HDAC9: variants seen among roughly 807,000 people sequenced by gnomAD.
The protein encoded by HDAC9 is MEF-2 interacting transcription repressor (MITR) protein.
HDAC9 carries 41 observed loss-of-function variants against 139.4 expected under a neutral mutation model. The observed-to-expected ratio is 0.29, with a 90% CI of 0.23 to 0.38. The LOEUF is 0.38. HDAC9 is among the 10% of genes least tolerant of loss of function. The pLI is 1.00. For synonymous variants in HDAC9, 517 were observed against 476.2 expected, an observed-to-expected ratio of 1.09 and a Z score of -1.12; for missense variants, 1,147 against 1,297.0, an observed-to-expected ratio of 0.88 and a Z score of 1.78.
chr7:18,364,365 CA>C (rs1385513469), intron 1 of HDAC9, among the ~76,000 whole-genome samples: 5 of 151,718 alleles, frequency 3.3e-5, no homozygotes, highest in Admixed American at 3.3e-4. Context: ...GATAAATGCT[CA>C]AAATAGTACT....
chr7:18,859,462 C>T (rs1026582840), intron 21 of HDAC9, among the ~76,000 whole-genome samples: 1 of 151,598 alleles, frequency 6.6e-6, no homozygotes, highest in Admixed American at 6.6e-5. Context: ...TTCTCAGTCT[C>T]TTTCTGGCTA....
chr7:18,096,070 T>C (rs1358141076), intron 1 of HDAC9, among the ~76,000 whole-genome samples: 3 of 152,210 alleles, frequency 2.0e-5, no homozygotes, highest in African/African-American at 7.2e-5. Context: ...CTCTATAACA[T>C]CTTTTCGTTC....
chr7:18,589,622 A>G (rs1000950666), intron 3 of HDAC9, among the ~76,000 whole-genome samples: 1 of 152,214 alleles, frequency 6.6e-6, no homozygotes, highest in Non-Finnish European at 1.5e-5. Flanking sequence ...GGATTCAGAA[A>G]GCTAAACAAT....
At chr7:18,938,489 G>A (rs946654110) in intron 23 of HDAC9, among the ~76,000 whole-genome samples, 2 of 151,742 alleles carry the variant, frequency 1.3e-5, no homozygotes, top group South Asian at 2.1e-4. Context: ...CAGCTACTCC[G>A]GAGCCTGAGT....
At chr7:18,611,163 T>C (rs1406230244) in intron 6 of HDAC9, among the ~76,000 whole-genome samples, 1 of 152,124 alleles carries the variant, frequency 6.6e-6, no homozygotes, top group Non-Finnish European at 1.5e-5. Flanking sequence ...AAGAAGAGCA[T>C]AATGATTTAT....
intron 4 of HDAC9, 137 bp from the exon 5 acceptor site, chr7:18,591,379 G>A: frequency 8.1e-7 from 1 of 1,231,274 alleles, no homozygotes; most frequent in Non-Finnish European, 1.1e-6. Flanking sequence ...AAAACTTTAT[G>A]TGCTGTGACC....
intron 1 of HDAC9, among the ~76,000 whole-genome samples, chr7:18,356,399 T>C (rs1783305973): frequency 1.1e-5 from 1 of 93,738 alleles, no homozygotes; most frequent in Non-Finnish European, 2.0e-5. Flanking sequence ...GACAACAAAC[T>C]TGTAACTCCC....
At chr7:18,758,412 A>C (rs1242182218) in intron 14 of HDAC9, among the ~76,000 whole-genome samples, 1 of 152,156 alleles carries the variant, frequency 6.6e-6, no homozygotes, top group Non-Finnish European at 1.5e-5. Context: ...CCTTTAACTC[A>C]AGAGAGCCTT....
intron 1 of HDAC9, among the ~76,000 whole-genome samples, chr7:18,422,897 T>G (rs1562971501): frequency 1.3e-5 from 2 of 152,188 alleles, no homozygotes; most frequent in Non-Finnish European, 2.9e-5. Flanking sequence ...GTCCTAAGTT[T>G]GCATATGGAG....
intron 2 of HDAC9, among the ~76,000 whole-genome samples, chr7:18,541,669 A>C (rs550674708): frequency 6.6e-6 from 1 of 152,190 alleles, no homozygotes; most frequent in South Asian, 2.1e-4. Context: ...CAGGAATTCT[A>C]TATCTGTACA....
At chr7:18,940,246 ATT>A (rs1161594161) in intron 23 of HDAC9, among the ~76,000 whole-genome samples, 3 of 152,178 alleles carry the variant, frequency 2.0e-5, no homozygotes, top group African/African-American at 7.2e-5. Context: ...CAAAACATGC[ATT>A]TTCTTCTTTT....
intron 2 of HDAC9, among the ~76,000 whole-genome samples, chr7:18,265,470 A>C (rs1356251047): frequency 3.3e-5 from 5 of 152,212 alleles, no homozygotes; most frequent in African/African-American, 4.8e-5. Flanking sequence ...GCATGTGGCT[A>C]GAAAACACCA....
chr7:18,163,555 T>C (rs1449716472), intron 2 of HDAC9, among the ~76,000 whole-genome samples: 2 of 152,170 alleles, frequency 1.3e-5, no homozygotes, highest in Non-Finnish European at 2.9e-5. Context: ...CTGTTGCTGC[T>C]TGGGGACCAC....
chr7:18,635,576 T>C (rs1390897401), intron 8 of HDAC9, among the ~76,000 whole-genome samples: 1 of 152,124 alleles, frequency 6.6e-6, no homozygotes, highest in Non-Finnish European at 1.5e-5. Context: ...TAGCCACTCA[T>C]GAAATCACCT....
chr7:18,748,947 A>T (rs1584968202), intron 13 of HDAC9, 58 bp from the exon 14 acceptor site: 2 of 1,496,550 alleles, frequency 1.3e-6, no homozygotes, highest in East Asian at 2.3e-5. Context: ...ATCTCCTAAC[A>T]TGTGTCATTA....
intron 1 of HDAC9, among the ~76,000 whole-genome samples, chr7:18,151,434 A>G (rs1022715413): frequency 3.9e-5 from 6 of 152,336 alleles, no homozygotes; most frequent in African/African-American, 1.4e-4. Context: ...TAGCTTAATC[A>G]AGTAGCCTGT....
intron 1 of HDAC9, among the ~76,000 whole-genome samples, chr7:18,488,831 T>C (rs1045432690): frequency 1.3e-5 from 2 of 152,060 alleles, no homozygotes; most frequent in Admixed American, 6.6e-5. Context: ...TGAGATCATT[T>C]ATGCTACAGT....
At chr7:18,619,176 T>C (rs1839528918) in intron 6 of HDAC9, among the ~76,000 whole-genome samples, 1 of 152,186 alleles carries the variant, frequency 6.6e-6, no homozygotes, top group Non-Finnish European at 1.5e-5. Flanking sequence ...GTAGTATTTG[T>C]GATGCTTGCC....
chr7:18,552,575 G>A (rs1817503005), intron 2 of HDAC9, among the ~76,000 whole-genome samples: 1 of 152,108 alleles, frequency 6.6e-6, no homozygotes, highest in Non-Finnish European at 1.5e-5. Flanking sequence ...GAAAAATAAT[G>A]ACCCGGTTTT....
Sources: allele counts gnomAD v4.1 joint callset (sites outside exome capture counted in the v4.1 genomes callset), GRCh38; gene constraint gnomAD v4.1.1; transcripts MANE v1.5; gene names NCBI Gene and HGNC (gene_info 2026-07-23, HGNC 2026-07-21).